The following DCUN1D2 variants were observed in gnomAD, a reference collection of about 807,000 sequenced individuals.
DCUN1D2 encodes DCN1-like protein 2.
DCUN1D2 carries 29 observed loss-of-function variants against 30.9 expected under a neutral mutation model. That is an observed-to-expected ratio of 0.94 (90% CI 0.70 to 1.28). The LOEUF (loss-of-function observed/expected upper bound fraction) is 1.28, where lower values mean the gene tolerates loss of function less well. DCUN1D2 is among the 50% of genes most tolerant of loss of function. DCUN1D2 has a pLI of 0.00. For missense variants in DCUN1D2, 325 were observed against 316.9 expected (o/e 1.03, Z -0.19); for synonymous variants, 121 against 115.3 (o/e 1.05, Z -0.32).
chr13:113,480,746 G>A lies in DCUN1D2; in HGVS notation c.221-3C>T, dbSNP rs2044693898. The A allele has an allele frequency of 1.2e-6, 2 of 1,613,380 alleles. No homozygotes were observed. The highest frequency in any genetic ancestry group is 1.3e-5 in the African/African-American group (1 of 75,026). ...AATTTTGTTTTCATCTTGTGGATCTGTAGTTAATATCAGGGGAAAAGGAAG... is the reference window on the plus strand; with the variant it reads ...AATTTTGTTTTCATCTTGTGGATCTATAGTTAATATCAGGGGAAAAGGAAG... On this transcript the variant is annotated splice_region_variant and splice_polypyrimidine_tract_variant and intron_variant, in intron 2 of 6. Transcript: ENST00000478244.
At chr13:113,467,839 T>C (rs1595572411) in intron 4 of DCUN1D2, among the ~76,000 whole-genome samples, 2 of 150,290 alleles carry the variant, frequency 1.3e-5, no homozygotes, top group East Asian at 3.9e-4. Flanking sequence ...AGGTCAGGAG[T>C]TCGAGACCAG....
intron 3 of DCUN1D2, 136 bp from the exon 4 acceptor site, chr13:113,474,390 G>C (rs527719312): frequency 8.4e-7 from 1 of 1,185,212 alleles, no homozygotes; most frequent in Admixed American, 2.4e-5. Context: ...TTTCCCAGGC[G>C]CGGCCTAAGG....
chr13:113,460,061 C>T (rs2044293439), intron 5 of DCUN1D2, among the ~76,000 whole-genome samples: 1 of 152,210 alleles, frequency 6.6e-6, no homozygotes, highest in Non-Finnish European at 1.5e-5. Flanking sequence ...CCAGGTAAGG[C>T]GTAAGGGGGC....
chr13:113,469,739 C>T (rs1009142372), intron 4 of DCUN1D2, among the ~76,000 whole-genome samples: 4 of 147,740 alleles, frequency 2.7e-5, no homozygotes, highest in Non-Finnish European at 4.6e-5. Context: ...TTTGGGAAGC[C>T]GAGGTGGGAG....
intron 3 of DCUN1D2, among the ~76,000 whole-genome samples, chr13:113,479,666 T>C (rs1473705837): frequency 6.6e-6 from 1 of 152,178 alleles, no homozygotes; most frequent in African/African-American, 2.4e-5. Context: ...GAGTTTGCTG[T>C]GAGCCAAGAT....
At chr13:113,484,159 G>A in intron 1 of DCUN1D2, 103 bp from the exon 2 acceptor site, 3 of 1,536,686 alleles carry the variant, frequency 2.0e-6, no homozygotes, top group African/African-American at 2.7e-5. Context: ...TAGAGACAAA[G>A]CCTTGCTCTT....
chr13:113,488,019 C>T lies in DCUN1D2; in HGVS notation c.3+2648G>A, dbSNP rs1035420534. The stretch of plus-strand genomic sequence containing the variant: ...AGATATGATGGTGTCTGATCTTGAG[C>T]TCCTGCCGATAACCCCTTGAAGCCT... On this transcript the variant is annotated intron_variant, in intron 1 of 6. Coordinates refer to ENST00000478244, the MANE Select transcript of DCUN1D2 (RefSeq NM_001014283.2). The surrounding 1 kb of genome is among the most constrained non-coding windows in gnomAD (Gnocchi z 4.3). 3.9e-5 allele frequency among the ~76,000 whole-genome samples: 6 copies of T among 152,168 alleles called. No homozygotes were observed. The highest frequency in any genetic ancestry group is 8.8e-5 in the Non-Finnish European group (6 of 68,042).
At chr13:113,464,149 A>G (rs1218172348) in intron 4 of DCUN1D2, among the ~76,000 whole-genome samples, 1 of 152,230 alleles carries the variant, frequency 6.6e-6, no homozygotes, top group Admixed American at 6.5e-5. Context: ...GTTTTCTTTA[A>G]TAAAATTTCA....
At chr13:113,480,035 G>T (rs866736527) in intron 3 of DCUN1D2, among the ~76,000 whole-genome samples, 4 of 152,202 alleles carry the variant, frequency 2.6e-5, no homozygotes, top group Non-Finnish European at 5.9e-5. Flanking sequence ...TGTAGTGCAT[G>T]ACTGTAGTTC....
In DCUN1D2 at chr13:113,456,251, AGC is replaced by A. The variant is rs2044224561; in HGVS notation, c.*1776_*1777del. The A allele has an allele frequency of 5.0e-6, 2 of 398,814 alleles. No individual in the cohort carries two copies. Among genetic ancestry groups the A allele is most frequent in the Non-Finnish European group, 8.8e-6 (2 of 226,198 alleles). The allele number at this position is 398,814 out of a possible 1,614,324, so 24.7% of individuals were successfully genotyped here. On this transcript the variant is annotated 3_prime_UTR_variant, in exon 7 of 7. Transcript: ENST00000478244. ...TCTGTCACTTGCCCATCACTGGACC[AGC>A]CAGAAGCCAGCGGGGGCCAGGCGGG...
chr13:113,485,820 C>T (rs1477530370), intron 1 of DCUN1D2, among the ~76,000 whole-genome samples: 2 of 152,150 alleles, frequency 1.3e-5, no homozygotes, highest in African/African-American at 4.8e-5. Flanking sequence ...GAACTACCTT[C>T]CCGAGCGTCC....
intron 1 of DCUN1D2, chr13:113,489,151 A>G: frequency 1.0e-6 from 1 of 985,142 alleles, no homozygotes. Flanking sequence ...GATCACTTTC[A>G]CTCTGTTTCG....
chr13:113,461,730 G>A (rs2044321362), intron 4 of DCUN1D2, among the ~76,000 whole-genome samples: 1 of 152,190 alleles, frequency 6.6e-6, no homozygotes, highest in Non-Finnish European at 1.5e-5. Context: ...ATCAATCAAA[G>A]CCAACGCCCT....
At chr13:113,470,016 T>C (rs746496696) in intron 4 of DCUN1D2, among the ~76,000 whole-genome samples, 6 of 152,182 alleles carry the variant, frequency 3.9e-5, no homozygotes, top group Admixed American at 6.5e-5. Flanking sequence ...GAAATGACTT[T>C]ACTAGAAGGC....
At position 113,483,936 on chromosome 13, in the gene DCUN1D2, C is replaced by A. The variant is rs1247055372; in HGVS notation, c.124G>T (p.Asp42Tyr). Residue 42 changes from aspartate to tyrosine, a missense_variant, in exon 2 of 7, where the codon GAC (aspartate) becomes TAC (tyrosine). Asp to Tyr is a radical substitution (Grantham distance 160). Coordinates refer to ENST00000478244, the MANE Select transcript of DCUN1D2 (RefSeq NM_001014283.2). Reference sequence around the variant, plus strand: ...GAGTCTGGGTTTTGGAAGAAGCTGTCCGTGGCCTCGTCTAGTCTCCACTCA... The same window carrying A: ...GAGTCTGGGTTTTGGAAGAAGCTGTACGTGGCCTCGTCTAGTCTCCACTCA... The part of the protein sequence containing the change: ...QNEWRLDEAT[D>Y]SFFQNPDSLH... 1.9e-6 allele frequency: 3 copies of A among 1,614,148 alleles called. No homozygotes were observed. The highest frequency in any genetic ancestry group is 2.2e-5 in the East Asian group (1 of 44,886).
At chr13:113,485,936 G>A (rs776351632) in intron 1 of DCUN1D2, among the ~76,000 whole-genome samples, 2 of 152,144 alleles carry the variant, frequency 1.3e-5, no homozygotes, top group Non-Finnish European at 2.9e-5. Flanking sequence ...CGAGATTCGA[G>A]AGCCTATCTT....
At chr13:113,490,957 G>A (rs1294097548), upstream of DCUN1D2, 10 of 199,120 alleles carry the variant, frequency 5.0e-5, no homozygotes, top group Admixed American at 4.8e-4. The surrounding 1 kb of genome is among the most constrained non-coding windows in gnomAD (Gnocchi z 5.2). Context: ...AGTGCTCGCC[G>A]CCCGCGGCCG....
Position 113,490,213 on chromosome 13 carries a change from T to TC in DCUN1D2, c.3+453dup, listed in dbSNP as rs1257080255. Among the ~76,000 whole-genome samples the TC allele has an allele frequency of 6.6e-6, 1 of 151,874 alleles. No homozygotes were observed. The highest frequency in any genetic ancestry group is 2.4e-5 in the African/African-American group (1 of 41,330). ...TCCCTCCCCTCCCGGCAGCAGGGCC[T>TC]CCCCCGCGAATCTGAGCTTCTCGCG... is the stretch of plus-strand genomic sequence containing the variant. On this transcript the variant is annotated intron_variant, in intron 1 of 6. Transcript: ENST00000478244. The surrounding 1 kb of genome is among the most constrained non-coding windows in gnomAD (Gnocchi z 5.2).
rs930652130 is a variant in DCUN1D2 at position 113,471,291 on chromosome 13, A to G, written c.520+2833T>C. Among the ~76,000 whole-genome samples, 17 of 149,828 alleles carry G rather than the reference A, an allele frequency of 1.1e-4. 1 individual carries two copies. Among genetic ancestry groups the G allele is most frequent in the Admixed American group, 1.1e-3 (16 of 15,064 alleles). On this transcript the variant is annotated intron_variant, in intron 4 of 6. Coordinates refer to ENST00000478244, the MANE Select transcript of DCUN1D2 (RefSeq NM_001014283.2). ...AACTCCACAGGGGACCCAACTCCACAGAAGACACAACTCCACAGAAGACCC... is the reference window on the plus strand; with the variant it reads ...AACTCCACAGGGGACCCAACTCCACGGAAGACACAACTCCACAGAAGACCC...
Sources: allele counts gnomAD v4.1 joint callset (sites outside exome capture counted in the v4.1 genomes callset), GRCh38; gene constraint gnomAD v4.1.1; non-coding constraint Gnocchi (gnomAD v3.1); transcripts MANE v1.5; gene names NCBI Gene and HGNC (gene_info 2026-07-23, HGNC 2026-07-21).